Variants in SNTG1 observed in about 807,000 individuals in gnomAD.
The protein encoded by SNTG1 is syntrophin gamma 1.
A neutral mutation model predicts 74.7 loss-of-function variants in SNTG1; 39 were observed. That is an observed-to-expected ratio of 0.52 (90% CI 0.40 to 0.68). The LOEUF (loss-of-function observed/expected upper bound fraction) is 0.68. SNTG1 is among the 30% of genes least tolerant of loss of function. SNTG1 has a pLI of 0.00. For missense variants in SNTG1, 685 were observed against 609.5 expected (o/e 1.12, Z -1.30); for synonymous variants, 254 against 217.1 (o/e 1.17, Z -1.49).
rs372578600 is a variant in SNTG1, at chr8:50,202,186, C to T, written c.-28+29551C>T. ...GGTCTGAATTCCTTCCTGGGATACCCAATCCTCCTTTTTTTAAATTTGCAT... is the reference window on the plus strand; with the variant it reads ...GGTCTGAATTCCTTCCTGGGATACCTAATCCTCCTTTTTTTAAATTTGCAT... On this transcript the variant is annotated intron_variant, in intron 2 of 18. Coordinates refer to ENST00000642720, the MANE Select transcript of SNTG1 (RefSeq NM_018967.5). 5.3e-5 allele frequency among the ~76,000 whole-genome samples: 8 copies of T among 152,090 alleles called. No individual in the cohort carries two copies. In the East Asian group the frequency reaches 1.2e-3, roughly 22 times the overall value.
chr8:50,429,182 G>GC (rs1447249136), intron 4 of SNTG1, among the ~76,000 whole-genome samples: 1 of 151,920 alleles, frequency 6.6e-6, no homozygotes, highest in African/African-American at 2.4e-5. Flanking sequence ...ATTTCAAATA[G>GC]CTAAAACAAT....
At chr8:50,626,958 C>T (rs1414390322) in intron 13 of SNTG1, among the ~76,000 whole-genome samples, 1 of 152,112 alleles carries the variant, frequency 6.6e-6, no homozygotes. Context: ...ATTAAGGTCT[C>T]ATCTTATATG....
At chr8:50,702,067 T>TG (rs1297114910) in intron 15 of SNTG1, among the ~76,000 whole-genome samples, 2 of 464 alleles carry the variant, frequency 4.3e-3, no homozygotes. Flanking sequence ...GACAGTCTGG[T>TG]CTGGAACTCC....
intron 12 of SNTG1, among the ~76,000 whole-genome samples, chr8:50,570,150 C>A (rs144047805): frequency 6.6e-6 from 1 of 151,648 alleles, no homozygotes; most frequent in Admixed American, 6.6e-5. Context: ...TACCACAACC[C>A]AAAACATCTG....
At chr8:50,063,369 A>G (rs1309534063) in intron 1 of SNTG1, among the ~76,000 whole-genome samples, 1 of 152,256 alleles carries the variant, frequency 6.6e-6, no homozygotes, top group African/African-American at 2.4e-5. Flanking sequence ...ACTGTCATGT[A>G]TCTTCTATCA....
At chr8:49,987,311 A>G (rs1813256120) in intron 1 of SNTG1, among the ~76,000 whole-genome samples, 1 of 152,222 alleles carries the variant, frequency 6.6e-6, no homozygotes, top group Non-Finnish European at 1.5e-5. Flanking sequence ...AATTTCCAGA[A>G]TGGCAATGTG....
At chr8:50,513,095 G>T (rs562396370) in intron 9 of SNTG1, among the ~76,000 whole-genome samples, 1 of 152,006 alleles carries the variant, frequency 6.6e-6, no homozygotes, top group South Asian at 2.1e-4. Flanking sequence ...TGGGGTTTTG[G>T]TGTGGATGTC....
At position 50,590,737 on chromosome 8, in the gene SNTG1, G is replaced by GT; in HGVS notation, c.811-138dup. The GT allele has an allele frequency of 5.9e-6, 3 of 512,262 alleles. No homozygotes were observed. The South Asian group carries it at 9.1e-5, about 15-fold the overall frequency. 31.7% of individuals were successfully genotyped at this position (512,262 alleles called of 1,614,324 possible). A position where few individuals can be genotyped will look rare whatever the true frequency, so the allele number is the denominator to read the frequency against. On this transcript the variant is annotated intron_variant, in intron 12 of 18. Transcript: ENST00000642720. ...AAGAAAAAATCTGTTTATATATGTT[G>GT]TTTTATATGTGATGATTTCAGCATA...
chr8:50,751,751 C>T (rs1201540137), intron 17 of SNTG1, among the ~76,000 whole-genome samples: 3 of 151,942 alleles, frequency 2.0e-5, no homozygotes, highest in Non-Finnish European at 4.4e-5. Context: ...AGACAAGATA[C>T]TAAGAGCAAT....
intron 1 of SNTG1, among the ~76,000 whole-genome samples, chr8:50,093,961 A>G (rs997398313): frequency 6.6e-6 from 1 of 152,174 alleles, no homozygotes; most frequent in African/African-American, 2.4e-5. Context: ...TACTTGAGAT[A>G]GACAGAACAA....
At chr8:50,650,815 C>A (rs1035490402) in intron 13 of SNTG1, among the ~76,000 whole-genome samples, 2 of 152,070 alleles carry the variant, frequency 1.3e-5, no homozygotes, top group Non-Finnish European at 2.9e-5. Context: ...ATTCTCCTGC[C>A]TCAGTCTCCC....
chr8:50,698,659 G>A (rs13258440), intron 15 of SNTG1, among the ~76,000 whole-genome samples: 31,297 of 152,054 alleles, frequency 0.21, 3,328 homozygotes, highest in South Asian at 0.31. Context: ...TAGTTTTCAG[G>A]ACTGTGCACA....
intron 1 of SNTG1, among the ~76,000 whole-genome samples, chr8:49,994,354 C>T (rs1443156115): frequency 2.0e-5 from 3 of 147,560 alleles, no homozygotes; most frequent in Non-Finnish European, 3.0e-5. Context: ...CTCTTGGATT[C>T]AAGTGATTCT....
chr8:50,446,664 G>A (rs1039107013), intron 5 of SNTG1, among the ~76,000 whole-genome samples: 3 of 152,134 alleles, frequency 2.0e-5, no homozygotes, highest in Admixed American at 6.6e-5. Context: ...TGAACAGAGC[G>A]AGACTCCCTC....
At chr8:50,695,156 C>A (rs2095399411) in intron 15 of SNTG1, among the ~76,000 whole-genome samples, 1 of 151,502 alleles carries the variant, frequency 6.6e-6, no homozygotes, top group South Asian at 2.1e-4. Context: ...TCCCTGTTTG[C>A]AGGTGATATG....
At chr8:50,098,434 C>A (rs1225808615) in intron 1 of SNTG1, among the ~76,000 whole-genome samples, 2 of 152,040 alleles carry the variant, frequency 1.3e-5, no homozygotes, top group Non-Finnish European at 2.9e-5. Flanking sequence ...TAAATAATAC[C>A]ATCTAACAAC....
intron 18 of SNTG1, among the ~76,000 whole-genome samples, chr8:50,776,094 T>C (rs567131500): frequency 1.3e-5 from 2 of 151,568 alleles, no homozygotes; most frequent in South Asian, 4.2e-4. Context: ...CTTACTTTTA[T>C]TTTAATTATT....
chr8:49,989,144 A>G (rs1231313901), intron 1 of SNTG1, among the ~76,000 whole-genome samples: 1 of 151,978 alleles, frequency 6.6e-6, no homozygotes, highest in Non-Finnish European at 1.5e-5. Context: ...AAGATATAGA[A>G]AATTGGGGAA....
At chr8:49,994,939 C>T (rs747844636) in intron 1 of SNTG1, among the ~76,000 whole-genome samples, 8 of 152,066 alleles carry the variant, frequency 5.3e-5, no homozygotes, top group Non-Finnish European at 2.9e-5. Context: ...TTATAATTAA[C>T]AGAATGTAAG....
Sources: allele counts gnomAD v4.1 joint callset (sites outside exome capture counted in the v4.1 genomes callset), GRCh38; gene constraint gnomAD v4.1.1; transcripts MANE v1.5; gene names NCBI Gene and HGNC (gene_info 2026-07-23, HGNC 2026-07-21).